The following OSBPL8 variants were observed in gnomAD, a reference collection of about 807,000 sequenced individuals.
OSBPL8 encodes the protein oxysterol-binding protein-related protein 8.
A neutral mutation model predicts 125.5 loss-of-function variants in OSBPL8; 59 were observed. The ratio of observed to expected loss-of-function variants is 0.47; its 90% CI spans 0.38 to 0.58. The LOEUF (loss-of-function observed/expected upper bound fraction) is 0.58. Ranked by LOEUF, OSBPL8 falls within the 20% of genes least tolerant of loss-of-function variation. The pLI is 0.00. For synonymous variants in OSBPL8, 330 were observed against 338.9 expected (o/e 0.97, Z 0.29); for missense variants, 758 against 1,047.8 (o/e 0.72, Z 3.82).
intron 1 of OSBPL8, among the ~76,000 whole-genome samples, chr12:76,531,803 C>T (rs911590431): frequency 3.3e-5 from 5 of 151,888 alleles, no homozygotes; most frequent in East Asian, 1.9e-4. Context: ...TTTGGGAAGC[C>T]GAGGCAGGCA....
At chr12:76,530,638 G>A (rs756794664) in intron 1 of OSBPL8, among the ~76,000 whole-genome samples, 20 of 152,048 alleles carry the variant, frequency 1.3e-4, no homozygotes, top group Middle Eastern at 3.4e-3. Flanking sequence ...AAATAGAAGC[G>A]CTCCATAAGC....
At chr12:76,442,084 A>C (rs1187095055) in intron 4 of OSBPL8, among the ~76,000 whole-genome samples, 1 of 152,208 alleles carries the variant, frequency 6.6e-6, no homozygotes, top group Non-Finnish European at 1.5e-5. Context: ...ACCCACAAAA[A>C]TTAAAAATTA....
intron 2 of OSBPL8, among the ~76,000 whole-genome samples, chr12:76,465,097 A>G (rs1875242772): frequency 1.3e-5 from 2 of 152,172 alleles, no homozygotes; most frequent in South Asian, 4.1e-4. Context: ...CTTGAGTTTC[A>G]TGGGAGAGAT....
intron 1 of OSBPL8, among the ~76,000 whole-genome samples, chr12:76,551,169 A>G (rs1950925641): frequency 6.6e-6 from 1 of 152,242 alleles, no homozygotes; most frequent in Non-Finnish European, 1.5e-5. Flanking sequence ...TTGGATATAC[A>G]GAAATGAACT....
Position 76,394,647 on chromosome 12 carries a change from T to C in OSBPL8, c.755A>G (p.Asp252Gly). The change falls in exon 9 of 24, where the codon GAT becomes GGT. Residue 252 changes from aspartate to glycine, a missense_variant and splice_region_variant. Physicochemically the swap from Asp to Gly is moderately conservative, Grantham distance 94. Coordinates refer to ENST00000261183, the MANE Select transcript of OSBPL8 (RefSeq NM_020841.5). ...AATCCATCAAAAACTATACTTACCA[T>C]CTGACTCTGAAGTAGCTCGGATGAT... ...YLIIRATSES[D>G]GRCWMDALEL... The C allele has an allele frequency of 6.2e-7, 1 of 1,609,890 alleles. No individual in the cohort carries two copies. Among genetic ancestry groups the C allele is most frequent in the Non-Finnish European group, 8.5e-7 (1 of 1,178,174 alleles).
intron 1 of OSBPL8, among the ~76,000 whole-genome samples, chr12:76,520,153 A>G (rs947744622): frequency 6.6e-6 from 1 of 152,240 alleles, no homozygotes; most frequent in African/African-American, 2.4e-5. Flanking sequence ...CTTTGTTATA[A>G]CTTGCACAAA....
At chr12:76,493,628 C>CT (rs929852709) in intron 1 of OSBPL8, among the ~76,000 whole-genome samples, 1 of 152,082 alleles carries the variant, frequency 6.6e-6, no homozygotes, top group African/African-American at 2.4e-5. Context: ...TGTGAGGATC[C>CT]TTTTTTTATC....
intron 3 of OSBPL8, among the ~76,000 whole-genome samples, chr12:76,459,546 T>C (rs529307595): frequency 3.3e-4 from 51 of 152,322 alleles, no homozygotes; most frequent in African/African-American, 1.1e-3. Context: ...ATCTATGCCA[T>C]GTGATAACTG....
In OSBPL8 at chr12:76,353,691, T is replaced by C. The variant is rs1951894526; in HGVS notation, c.*2198A>G. 1 of 152,432 alleles carries C rather than the reference T, an allele frequency of 6.6e-6. No homozygotes were observed. Among genetic ancestry groups the C allele is most frequent in the South Asian group, 2.1e-4 (1 of 4,826 alleles). The allele number at this position is 152,432 out of a possible 1,614,324, so 9.4% of individuals were successfully genotyped here. ...ACCAATTCCTGAGTTTTGTGTTCAG[T>C]TCATAGAAAGAGACTCATACAACTA... On this transcript the variant is annotated 3_prime_UTR_variant, in exon 24 of 24. Transcript: ENST00000261183.
At chr12:76,438,193 A>C (rs1197277369) in intron 4 of OSBPL8, among the ~76,000 whole-genome samples, 1 of 151,762 alleles carries the variant, frequency 6.6e-6, no homozygotes, top group Non-Finnish European at 1.5e-5. Flanking sequence ...TCACCGTGTT[A>C]GCCAGGATGG....
chr12:76,466,641 C>A (rs1228074839), intron 2 of OSBPL8, among the ~76,000 whole-genome samples: 2 of 152,136 alleles, frequency 1.3e-5, no homozygotes, highest in Non-Finnish European at 2.9e-5. Flanking sequence ...TACTTCTACA[C>A]TGAAAATTGA....
intron 2 of OSBPL8, among the ~76,000 whole-genome samples, chr12:76,466,172 A>G (rs1312177797): frequency 6.6e-6 from 1 of 152,194 alleles, no homozygotes; most frequent in African/African-American, 2.4e-5. Flanking sequence ...ACAGTAGTTA[A>G]CTTTAGGAGG....
intron 1 of OSBPL8, among the ~76,000 whole-genome samples, chr12:76,524,919 G>C (rs1434697193): frequency 6.6e-6 from 1 of 152,030 alleles, no homozygotes; most frequent in African/African-American, 2.4e-5. Flanking sequence ...CCTGACCTTA[G>C]GTGATCCGCC....
chr12:76,423,493 G>C (rs1173611614), intron 4 of OSBPL8, among the ~76,000 whole-genome samples: 3 of 152,044 alleles, frequency 2.0e-5, no homozygotes, highest in Non-Finnish European at 4.4e-5. Context: ...AAACTGTTCA[G>C]TCTATCAATG....
intron 4 of OSBPL8, among the ~76,000 whole-genome samples, chr12:76,426,964 T>C (rs1870222933): frequency 6.6e-6 from 1 of 152,136 alleles, no homozygotes; most frequent in East Asian, 1.9e-4. Context: ...AAACCAGTCA[T>C]CTGCACTCCT....
At chr12:76,465,311 A>T (rs1875274937) in intron 2 of OSBPL8, among the ~76,000 whole-genome samples, 1 of 152,196 alleles carries the variant, frequency 6.6e-6, no homozygotes, top group East Asian at 1.9e-4. Context: ...CTGTAATCCC[A>T]GCACTTTGGG....
chr12:76,539,488 A>G (rs1416969731), intron 1 of OSBPL8, among the ~76,000 whole-genome samples: 1 of 152,194 alleles, frequency 6.6e-6, no homozygotes, highest in Non-Finnish European at 1.5e-5. Context: ...ATAAAAGGAA[A>G]TACAAATGAA....
chr12:76,372,015 A>C (rs1363778876), intron 18 of OSBPL8, among the ~76,000 whole-genome samples: 3 of 152,178 alleles, frequency 2.0e-5, no homozygotes, highest in Non-Finnish European at 2.9e-5. Flanking sequence ...ACTAGCATTA[A>C]AAATTTGAGG....
chr12:76,399,033 T>C (rs1215244733), intron 7 of OSBPL8, among the ~76,000 whole-genome samples: 2 of 152,200 alleles, frequency 1.3e-5, no homozygotes, highest in African/African-American at 4.8e-5. Context: ...AGTGAGATCT[T>C]GAGCTAATGC....
Sources: allele counts gnomAD v4.1 joint callset (sites outside exome capture counted in the v4.1 genomes callset), GRCh38; gene constraint gnomAD v4.1.1; transcripts MANE v1.5; gene names NCBI Gene and HGNC (gene_info 2026-07-23, HGNC 2026-07-21).